Variants in GRIK2 observed in about 807,000 individuals in gnomAD.
GRIK2 encodes glutamate ionotropic receptor kainate type subunit 2, also known as glutamate receptor ionotropic, kainate 2.
A neutral mutation model predicts 100.3 loss-of-function variants in GRIK2; 32 were observed. That is an observed-to-expected ratio of 0.32 (90% CI 0.24 to 0.43). The LOEUF (loss-of-function observed/expected upper bound fraction) is 0.43. Among genes scored for constraint, GRIK2 ranks in the 20% least tolerant of loss-of-function variants. The pLI is 1.00. For missense variants in GRIK2, 843 were observed against 1,114.9 expected, an observed-to-expected ratio of 0.76 and a Z score of 3.47; for synonymous variants, 417 against 389.4, an observed-to-expected ratio of 1.07 and a Z score of -0.83.
At chr6:101,924,358 T>C (rs1478526076) in intron 12 of GRIK2, among the ~76,000 whole-genome samples, 1 of 152,216 alleles carries the variant, frequency 6.6e-6, no homozygotes, top group East Asian at 1.9e-4. Context: ...TATACAGATT[T>C]TCCTCTAACA....
At chr6:102,001,677 G>A (rs559407363) in intron 14 of GRIK2, among the ~76,000 whole-genome samples, 1 of 152,132 alleles carries the variant, frequency 6.6e-6, no homozygotes, top group Admixed American at 6.6e-5. Context: ...TACTGGATTT[G>A]AATCTTTTCT....
At chr6:101,611,440 C>T (rs997883635) in intron 2 of GRIK2, among the ~76,000 whole-genome samples, 1 of 151,718 alleles carries the variant, frequency 6.6e-6, no homozygotes, top group Non-Finnish European at 1.5e-5. Context: ...GCTAGAACTT[C>T]GAAAATTCCA....
intron 4 of GRIK2, among the ~76,000 whole-genome samples, chr6:101,664,536 A>G (rs1769866734): frequency 6.6e-6 from 1 of 152,226 alleles, no homozygotes; most frequent in Non-Finnish European, 1.5e-5. Context: ...CTGAGCTTAG[A>G]CCCTAAAGTG....
At chr6:101,434,820 C>T (rs776787992) in intron 2 of GRIK2, among the ~76,000 whole-genome samples, 1 of 152,094 alleles carries the variant, frequency 6.6e-6, no homozygotes, top group African/African-American at 2.4e-5. Flanking sequence ...CTCTCCCCAG[C>T]TGTTCACCAT....
At chr6:101,969,942 C>T (rs1349638360) in intron 14 of GRIK2, among the ~76,000 whole-genome samples, 1 of 151,940 alleles carries the variant, frequency 6.6e-6, no homozygotes. Flanking sequence ...AGAGTGTGTT[C>T]TGCATGTGTA....
chr6:101,543,337 A>C (rs1054169534), intron 2 of GRIK2, among the ~76,000 whole-genome samples: 1 of 152,176 alleles, frequency 6.6e-6, no homozygotes, highest in African/African-American at 2.4e-5. Flanking sequence ...CTTTTATTCT[A>C]AACCATATCC....
chr6:101,713,343 A>G (rs1773848003), intron 7 of GRIK2, among the ~76,000 whole-genome samples: 1 of 151,780 alleles, frequency 6.6e-6, no homozygotes. Flanking sequence ...AAACAGTACT[A>G]TGGCTTTCTT....
chr6:101,717,282 G>A (rs1006572678), intron 7 of GRIK2, among the ~76,000 whole-genome samples: 3 of 151,710 alleles, frequency 2.0e-5, no homozygotes, highest in African/African-American at 7.3e-5. Context: ...AAACCTTCAG[G>A]AGAAAGTAAA....
At chr6:101,679,925 A>G (rs1771119594) in intron 5 of GRIK2, among the ~76,000 whole-genome samples, 1 of 152,112 alleles carries the variant, frequency 6.6e-6, no homozygotes, top group Admixed American at 6.5e-5. Context: ...TTTTTAGTAG[A>G]GACAGGCTTT....
At chr6:101,402,167 G>T (rs1775346745) in intron 2 of GRIK2, among the ~76,000 whole-genome samples, 1 of 151,928 alleles carries the variant, frequency 6.6e-6, no homozygotes, top group South Asian at 2.1e-4. Context: ...CGCCTCCCCC[G>T]CCCGTCTTCA....
chr6:102,004,601 G>C (rs1795116214), intron 14 of GRIK2, among the ~76,000 whole-genome samples: 2 of 151,996 alleles, frequency 1.3e-5, no homozygotes, highest in South Asian at 4.1e-4. Flanking sequence ...TATGATCACA[G>C]AGGGTCAGAA....
chr6:102,009,807 C>G (rs933094783), intron 14 of GRIK2, among the ~76,000 whole-genome samples: 1 of 151,996 alleles, frequency 6.6e-6, no homozygotes, highest in African/African-American at 2.4e-5. Flanking sequence ...GGTAGAAAAT[C>G]ATATTATTGT....
chr6:101,640,154 C>G (rs972350990), intron 4 of GRIK2, among the ~76,000 whole-genome samples: 9 of 152,078 alleles, frequency 5.9e-5, no homozygotes, highest in Non-Finnish European at 1.2e-4. Flanking sequence ...AATAAAATAT[C>G]TGGGCTACTG....
rs1366264678 is a variant in GRIK2 at position 101,447,629 on chromosome 6, T to C, written c.115+48237T>C. On this transcript the variant is annotated intron_variant, in intron 2 of 16. Coordinates refer to ENST00000369134, the MANE Select transcript of GRIK2 (RefSeq NM_021956.5). ...CAGGGAACATTAGAAGGAGTGTAGCTCCCATGTAGTTCAGTTCTGACATCT... is the reference window on the plus strand; with the variant it reads ...CAGGGAACATTAGAAGGAGTGTAGCCCCCATGTAGTTCAGTTCTGACATCT... Among the ~76,000 whole-genome samples the C allele has an allele frequency of 2.0e-5, 3 of 151,684 alleles. No homozygotes were observed. The East Asian group carries it at 5.8e-4, about 29-fold the overall frequency.
chr6:101,531,928 T>C (rs747422067), intron 2 of GRIK2, among the ~76,000 whole-genome samples: 1 of 151,978 alleles, frequency 6.6e-6, no homozygotes, highest in Non-Finnish European at 1.5e-5. Flanking sequence ...TCTTGGAACA[T>C]TGCAATAACT....
At chr6:101,980,027 G>A (rs995423773) in intron 14 of GRIK2, among the ~76,000 whole-genome samples, 1 of 151,860 alleles carries the variant, frequency 6.6e-6, no homozygotes, top group African/African-American at 2.4e-5. Context: ...TTGTCAGAGG[G>A]GCTTCTTTGA....
chr6:101,439,616 C>G (rs1295483363), intron 2 of GRIK2, among the ~76,000 whole-genome samples: 1 of 152,042 alleles, frequency 6.6e-6, no homozygotes, highest in African/African-American at 2.4e-5. Flanking sequence ...ATAAATATCC[C>G]TCTCCTTTTC....
chr6:101,824,701 C>A, intron 10 of GRIK2, among the ~76,000 whole-genome samples: 1 of 152,184 alleles, frequency 6.6e-6, no homozygotes, highest in East Asian at 1.9e-4. Flanking sequence ...GAGATTCCTT[C>A]TCCCCAGTGG....
rs143401961 is a variant in GRIK2 at position 101,444,417 on chromosome 6, G to A, written c.115+45025G>A. ...TCAACATGTTTTATCTCTAAGCCTTGGCAATGTAGCAATATGTTTTTAAAA... is the reference window on the plus strand; with the variant it reads ...TCAACATGTTTTATCTCTAAGCCTTAGCAATGTAGCAATATGTTTTTAAAA... On this transcript the variant is annotated intron_variant, in intron 2 of 16. Transcript: ENST00000369134. Among the ~76,000 whole-genome samples the A allele has an allele frequency of 7.2e-3, 1,090 of 151,864 alleles. 19 individuals are homozygous for A. Among genetic ancestry groups the A allele is most frequent in the African/African-American group, 0.025 (1,032 of 41,448 alleles).
Sources: gnomAD v4.1 joint callset for allele counts (sites outside exome capture counted in the v4.1 genomes callset) on GRCh38, gnomAD v4.1.1 for gene constraint, MANE v1.5 for transcripts, NCBI Gene and HGNC (gene_info 2026-07-23, HGNC 2026-07-21) for gene names.